PPIP5K2: variants seen among roughly 807,000 people sequenced by gnomAD.
PPIP5K2 encodes diphosphoinositol pentakisphosphate kinase 2, also known as inositol hexakisphosphate and diphosphoinositol-pentakisphosphate kinase 2.
Under a neutral mutation model 154.6 loss-of-function variants are expected in PPIP5K2, and 105 were observed. The ratio of observed to expected loss-of-function variants is 0.68; its 90% CI spans 0.58 to 0.80. The LOEUF (loss-of-function observed/expected upper bound fraction) is 0.80. PPIP5K2 is among the 30% of genes least tolerant of loss of function. PPIP5K2 has a pLI of 0.00. For synonymous variants in PPIP5K2, 480 were observed against 490.3 expected (o/e 0.98, Z 0.28); for missense variants, 992 against 1,504.6 (o/e 0.66, Z 5.64).
At position 103,202,355 on chromosome 5, in the gene PPIP5K2, T is replaced by C. The variant is rs1301481251; in HGVS notation, c.*721T>C. 1.3e-5 allele frequency: 2 copies of C among 152,324 alleles called. No individual in the cohort carries two copies. Among genetic ancestry groups the C allele is most frequent in the African/African-American group, 4.8e-5 (2 of 41,458 alleles). 9.4% of individuals were successfully genotyped at this position (152,324 alleles called of 1,614,324 possible). ...CTTGTTCATCAGGAAAACTTTTGTT[T>C]TGTATTTTGACAAGAAAGGCACCTT... is the stretch of plus-strand genomic sequence containing the variant. On this transcript the variant is annotated 3_prime_UTR_variant, in exon 31 of 31. Transcript: ENST00000358359.
At chr5:103,160,911 G>C (rs1228189976) in intron 17 of PPIP5K2, among the ~76,000 whole-genome samples, 1 of 151,546 alleles carries the variant, frequency 6.6e-6, no homozygotes, top group Non-Finnish European at 1.5e-5. Flanking sequence ...TACAATGTTA[G>C]CAGGTAATGT....
intron 8 of PPIP5K2, among the ~76,000 whole-genome samples, chr5:103,150,700 AGTGGAG>A (rs1794496596): frequency 6.6e-6 from 1 of 152,052 alleles, no homozygotes; most frequent in South Asian, 2.1e-4. Context: ...GAACCTGGGA[AGTGGAG>A]GTTGCAGTGA....
intron 17 of PPIP5K2, among the ~76,000 whole-genome samples, chr5:103,160,531 G>A (rs1796060968): frequency 6.6e-6 from 1 of 152,056 alleles, no homozygotes; most frequent in South Asian, 2.1e-4. Flanking sequence ...TTCAGGGTTG[G>A]CAGAACTTTT....
chr5:103,150,788 A>T (rs1267276802), intron 8 of PPIP5K2, among the ~76,000 whole-genome samples: 6 of 148,432 alleles, frequency 4.0e-5, no homozygotes, highest in African/African-American at 1.5e-4. Flanking sequence ...AACAAAACAG[A>T]TCACAAGATT....
chr5:103,138,467 A>C lies in PPIP5K2; in HGVS notation c.485A>C (p.Lys162Thr), dbSNP rs781988239. ...AILNRDPNNP[K>T]ECNLIEGEDH... ...TTGAACCGTGACCCAAATAATCCCA[A>C]AGGTAAGAGTAAGAGATTTTAGGTA... The change falls in exon 5 of 31, where the codon AAA becomes ACA. Residue 162 changes from lysine (K) to threonine (T), a missense_variant and splice_region_variant. Physicochemically the swap from Lys to Thr is moderately conservative, Grantham distance 78. This residue lies in a region of PPIP5K2 where 153 missense variants were observed against 200.4 expected (regional missense o/e 0.76). Coordinates refer to ENST00000358359, the MANE Select transcript of PPIP5K2 (RefSeq NM_001276277.3). The C allele has an allele frequency of 6.3e-5, 100 of 1,592,402 alleles. No homozygotes were observed. Among genetic ancestry groups the C allele is most frequent in the Non-Finnish European group, 8.2e-5 (95 of 1,162,746 alleles).
intron 5 of PPIP5K2, among the ~76,000 whole-genome samples, chr5:103,143,736 CCCTT>C (rs1386248818): frequency 1.3e-5 from 2 of 152,100 alleles, no homozygotes; most frequent in African/African-American, 4.8e-5. Flanking sequence ...AATTAAACAT[CCCTT>C]CATGATAAAA....
At chr5:103,150,468 G>A (rs990524122) in intron 8 of PPIP5K2, among the ~76,000 whole-genome samples, 8 of 152,054 alleles carry the variant, frequency 5.3e-5, no homozygotes. Context: ...TGGTATTAGG[G>A]GTTTAAAAGA....
intron 21 of PPIP5K2, chr5:103,176,935 G>T (rs1176896842): frequency 7.0e-7 from 1 of 1,432,686 alleles, no homozygotes; most frequent in African/African-American, 1.4e-5. Flanking sequence ...ATTTACATAT[G>T]CCTCCTTCTT....
At chr5:103,180,229 T>G in intron 24 of PPIP5K2, 41 bp downstream of exon 24, 1 of 1,432,302 alleles carries the variant, frequency 7.0e-7, no homozygotes, top group Non-Finnish European at 9.2e-7. Context: ...TACAGTAAAC[T>G]AACTATATTT....
At chr5:103,173,040 G>A (rs1285807103) in intron 19 of PPIP5K2, 115 bp from the exon 20 acceptor site, 10 of 789,834 alleles carry the variant, frequency 1.3e-5, no homozygotes, top group South Asian at 5.8e-5. Context: ...GTTATCCAAC[G>A]TTCAAAAAAG....
rs1210214272 is a variant in PPIP5K2 at position 103,201,504 on chromosome 5, T to C, written c.3620-18T>C. 2 of 1,459,308 alleles carry C rather than the reference T, an allele frequency of 1.4e-6. No individual in the cohort carries two copies. The highest frequency in any genetic ancestry group is 1.9e-6 in the Non-Finnish European group (2 of 1,080,300). 90.4% of individuals were successfully genotyped at this position (1,459,308 alleles called of 1,614,324 possible). A position where few individuals can be genotyped will look rare whatever the true frequency, so the allele number is the denominator to read the frequency against. On this transcript the variant is annotated intron_variant, in intron 30 of 30. Transcript: ENST00000358359. Reference sequence around the variant, plus strand: ...AATTTAAGCAATAGTTTTTTTTTTTTGTTTTTGTTTTATGTAGCTACAAGT... The same window carrying C: ...AATTTAAGCAATAGTTTTTTTTTTTCGTTTTTGTTTTATGTAGCTACAAGT...
At chr5:103,197,787 A>G (rs1016209590) in intron 30 of PPIP5K2, among the ~76,000 whole-genome samples, 13 of 151,580 alleles carry the variant, frequency 8.6e-5, no homozygotes, top group Non-Finnish European at 1.5e-4. Context: ...CATGTTGGCC[A>G]GGCTGGTCTC....
chr5:103,186,314 C>T lies in PPIP5K2; in HGVS notation c.3170-6C>T, dbSNP rs868991715. 2.5e-6 allele frequency: 4 copies of T among 1,613,578 alleles called. No homozygotes were observed. In the African/African-American group the frequency reaches 4.0e-5, roughly 16 times the overall value. The stretch of plus-strand genomic sequence containing the variant: ...TTGTGTATGTATTTTCTCTAACTCC[C>T]ATCAGGGTCTCACTGTGCGGGCCTG... On this transcript the variant is annotated splice_polypyrimidine_tract_variant and splice_region_variant and intron_variant, in intron 26 of 30. Transcript: ENST00000358359.
intron 5 of PPIP5K2, among the ~76,000 whole-genome samples, chr5:103,142,176 C>T (rs1554207087): frequency 6.6e-6 from 1 of 152,236 alleles, no homozygotes; most frequent in Non-Finnish European, 1.5e-5. Context: ...CGAGCCCTGC[C>T]CTGCGGGAAG....
chr5:103,192,118 A>G (rs1257731711), intron 29 of PPIP5K2, among the ~76,000 whole-genome samples: 1 of 151,844 alleles, frequency 6.6e-6, no homozygotes, highest in Non-Finnish European at 1.5e-5. Context: ...CTTTTCTTCC[A>G]TTTTTGGTAG....
chr5:103,190,417 T>G (rs1801045290), intron 28 of PPIP5K2, among the ~76,000 whole-genome samples: 1 of 151,972 alleles, frequency 6.6e-6, no homozygotes, highest in African/African-American at 2.4e-5. Flanking sequence ...TCACAAGTAA[T>G]TATATAATTT....
intron 24 of PPIP5K2, 113 bp from the exon 25 acceptor site, chr5:103,183,121 A>AT (rs797024414): frequency 8.9e-4 from 768 of 858,146 alleles, no homozygotes; most frequent in South Asian, 1.3e-3. Context: ...AACAAACTGT[A>AT]TTTTTTTTTC....
chr5:103,137,089 A>G (rs1367212684), intron 4 of PPIP5K2, among the ~76,000 whole-genome samples: 2 of 152,128 alleles, frequency 1.3e-5, no homozygotes, highest in East Asian at 3.9e-4. Context: ...AGCCTACTAA[A>G]CCATTCAAAC....
chr5:103,148,577 A>G (rs1443268917), intron 7 of PPIP5K2, among the ~76,000 whole-genome samples: 2 of 152,150 alleles, frequency 1.3e-5, no homozygotes, highest in African/African-American at 4.8e-5. Context: ...GTGGATCCTT[A>G]TTGACCACAG....
Sources: gnomAD v4.1 joint callset for allele counts (sites outside exome capture counted in the v4.1 genomes callset) on GRCh38, gnomAD v4.1.1 for gene constraint, gnomAD v4.1.1 regional missense constraint, MANE v1.5 for transcripts, NCBI Gene and HGNC (gene_info 2026-07-23, HGNC 2026-07-21) for gene names.